BACE2: variants seen among roughly 807,000 people sequenced by gnomAD.
The protein encoded by BACE2 is 56 kDa aspartic-like protease.
Under a neutral mutation model 46.2 loss-of-function variants are expected in BACE2, and 17 were observed. That is an observed-to-expected ratio of 0.37 (90% CI 0.25 to 0.55). The LOEUF (loss-of-function observed/expected upper bound fraction) is 0.55. BACE2 is among the 20% of genes least tolerant of loss of function. The pLI is 0.82. For synonymous variants in BACE2, 277 were observed against 295.9 expected, an observed-to-expected ratio of 0.94 and a Z score of 0.66; for missense variants, 595 against 698.1, an observed-to-expected ratio of 0.85 and a Z score of 1.66.
chr21:41,228,602 A>G (rs1285772978), intron 2 of BACE2, among the ~76,000 whole-genome samples: 1 of 152,078 alleles, frequency 6.6e-6, no homozygotes, highest in African/African-American at 2.4e-5. Context: ...TTTTTCAACA[A>G]TCGATCAGCC....
intron 8 of BACE2, among the ~76,000 whole-genome samples, chr21:41,262,803 T>C (rs1039994611): frequency 6.6e-6 from 1 of 152,156 alleles, no homozygotes; most frequent in African/African-American, 2.4e-5. Context: ...TTGTGAGTTG[T>C]TGGGAATATG....
At chr21:41,213,985 C>T (rs529210352) in intron 1 of BACE2, among the ~76,000 whole-genome samples, 1 of 152,286 alleles carries the variant, frequency 6.6e-6, no homozygotes, top group South Asian at 2.1e-4. Flanking sequence ...ACTCAGTTTA[C>T]TCAGTTTTCA....
intron 1 of BACE2, chr21:41,183,022 T>C (rs1985198177): frequency 6.0e-6 from 1 of 166,676 alleles, no homozygotes; most frequent in Non-Finnish European, 1.5e-5. Context: ...GCACATTTTA[T>C]GGAAACCTAG....
At chr21:41,241,120 G>A (rs754476172) in intron 3 of BACE2, among the ~76,000 whole-genome samples, 8 of 152,122 alleles carry the variant, frequency 5.3e-5, no homozygotes, top group Non-Finnish European at 1.0e-4. Context: ...AGCTGTTTAC[G>A]GACCTTCCCG....
intron 7 of BACE2, 62 bp downstream of exon 7, chr21:41,250,963 TGACAC>T: frequency 6.7e-7 from 1 of 1,497,378 alleles, no homozygotes; most frequent in Non-Finnish European, 9.2e-7. Flanking sequence ...ACTCCATGCA[TGACAC>T]GTGTATTAGA....
chr21:41,196,913 C>T (rs971117581), intron 1 of BACE2, among the ~76,000 whole-genome samples: 1 of 152,096 alleles, frequency 6.6e-6, no homozygotes, highest in Admixed American at 6.5e-5. Flanking sequence ...CTGCTGGTGG[C>T]TTCGGTTTCC....
rs117551235 is a variant in BACE2, at chr21:41,247,241, C to T, written c.984+1178C>T. 5.5e-4 allele frequency among the ~76,000 whole-genome samples: 83 copies of T among 152,192 alleles called. 1 individual carries two copies. In the East Asian group the frequency reaches 0.013, roughly 23 times the overall value. ...GAACTTCAAACACCTGTAACTGCTGCGGGAAGAGCGGCACGTGGATGAAAC... is the reference window on the plus strand; with the variant it reads ...GAACTTCAAACACCTGTAACTGCTGTGGGAAGAGCGGCACGTGGATGAAAC... On this transcript the variant is annotated intron_variant, in intron 6 of 8. Transcript: ENST00000330333.
intron 6 of BACE2, among the ~76,000 whole-genome samples, chr21:41,248,535 T>A (rs1987540340): frequency 6.6e-6 from 1 of 152,242 alleles, no homozygotes; most frequent in Non-Finnish European, 1.5e-5. Flanking sequence ...TCCCACCTCT[T>A]CTGAGCATGT....
chr21:41,176,297 A>C (rs59066201), intron 1 of BACE2: 40,991 of 152,134 alleles, frequency 0.27, 5,797 homozygotes, highest in Middle Eastern at 0.45. Flanking sequence ...GCCAGCTCAC[A>C]GGTCACACTT....
chr21:41,264,589 G>GGA (rs138828726), intron 8 of BACE2, among the ~76,000 whole-genome samples: 5 of 151,016 alleles, frequency 3.3e-5, no homozygotes, highest in Non-Finnish European at 3.0e-5. Context: ...CCAGAGCAAG[G>GGA]GAGAGAGAGA....
chr21:41,224,400 G>A (rs954863416), intron 1 of BACE2, among the ~76,000 whole-genome samples: 3 of 152,014 alleles, frequency 2.0e-5, no homozygotes, highest in Admixed American at 6.6e-5. Context: ...ATTTTTAGTA[G>A]AGATGGGGTT....
At chr21:41,243,235 A>T (rs1987357935) in intron 4 of BACE2, 141 bp from the exon 5 acceptor site, 3 of 674,824 alleles carry the variant, frequency 4.4e-6, no homozygotes, top group Non-Finnish European at 6.8e-6. Context: ...TTAAGCATTG[A>T]TATTTGTTTC....
At chr21:41,245,850 G>A (rs2123608880) in intron 5 of BACE2, 112 bp from the exon 6 acceptor site, 1 of 729,394 alleles carries the variant, frequency 1.4e-6, no homozygotes, top group South Asian at 1.8e-5. Flanking sequence ...GATGACTGGT[G>A]TGGCTGCCTG....
At chr21:41,245,011 T>C (rs1987425926) in intron 5 of BACE2, among the ~76,000 whole-genome samples, 2 of 143,156 alleles carry the variant, frequency 1.4e-5, no homozygotes, top group Admixed American at 1.4e-4. Context: ...AAACAACAAA[T>C]CCCAGGACAT....
At chr21:41,237,117 T>C (rs1987145017) in intron 2 of BACE2, among the ~76,000 whole-genome samples, 1 of 152,178 alleles carries the variant, frequency 6.6e-6, no homozygotes, top group Admixed American at 6.5e-5. Context: ...ACGGCAACCT[T>C]ATCTTCATGG....
intron 1 of BACE2, among the ~76,000 whole-genome samples, chr21:41,215,987 G>A (rs1163548119): frequency 1.3e-5 from 2 of 152,220 alleles, no homozygotes; most frequent in African/African-American, 2.4e-5. Context: ...AAAGGAAGGG[G>A]CAGATTAAAT....
chr21:41,269,121 AT>A (rs1402460499), intron 8 of BACE2, among the ~76,000 whole-genome samples: 5 of 151,674 alleles, frequency 3.3e-5, no homozygotes, highest in Non-Finnish European at 5.9e-5. Context: ...CGCCTGGCTA[AT>A]TTTGTATTTT....
At chr21:41,227,855 C>G (rs1204192200) in intron 2 of BACE2, among the ~76,000 whole-genome samples, 2 of 152,176 alleles carry the variant, frequency 1.3e-5, no homozygotes, top group Non-Finnish European at 2.9e-5. Context: ...TTTACGATGG[C>G]TTATGCTGCC....
intron 1 of BACE2, among the ~76,000 whole-genome samples, chr21:41,187,854 C>A (rs569904108): frequency 5.6e-4 from 86 of 152,280 alleles, no homozygotes; most frequent in African/African-American, 2.0e-3. Context: ...AAGTTGCAAG[C>A]AAGTGTTAAA....
Sources: allele counts gnomAD v4.1 joint callset (sites outside exome capture counted in the v4.1 genomes callset), GRCh38; gene constraint gnomAD v4.1.1; transcripts MANE v1.5; gene names NCBI Gene and HGNC (gene_info 2026-07-23, HGNC 2026-07-21).